PKHD1: variants seen among roughly 807,000 people sequenced by gnomAD.
PKHD1 encodes the protein PKHD1 ciliary IPT domain containing fibrocystin/polyductin.
PKHD1 carries 291 observed loss-of-function variants against 412.0 expected under a neutral mutation model. The ratio of observed to expected loss-of-function variants is 0.71; its 90% CI spans 0.64 to 0.78. The LOEUF (loss-of-function observed/expected upper bound fraction) is 0.78, where lower values mean the gene tolerates loss of function less well. Among genes scored for constraint, PKHD1 ranks in the 30% least tolerant of loss-of-function variants. The pLI is 0.00. For missense variants in PKHD1, 4,825 were observed against 4,950.7 expected (o/e 0.97, Z 0.76); for synonymous variants, 1,777 against 1,821.5 (o/e 0.98, Z 0.62).
intron 60 of PKHD1, among the ~76,000 whole-genome samples, chr6:51,738,675 G>A (rs1433809648): frequency 6.6e-6 from 1 of 152,102 alleles, no homozygotes; most frequent in Admixed American, 6.5e-5. Context: ...CTTTTACTCT[G>A]GCCAAGAAAG....
At chr6:51,652,011 A>G (rs560923481) in intron 61 of PKHD1, among the ~76,000 whole-genome samples, 2 of 152,294 alleles carry the variant, frequency 1.3e-5, no homozygotes, top group Non-Finnish European at 2.9e-5. Flanking sequence ...ATTGCAAGCA[A>G]CCTGGATTTG....
intron 60 of PKHD1, among the ~76,000 whole-genome samples, chr6:51,734,860 T>C (rs1783648673): frequency 6.6e-6 from 1 of 152,188 alleles, no homozygotes; most frequent in African/African-American, 2.4e-5. Flanking sequence ...CGATTTAAAG[T>C]GTACAGGAGA....
rs1562239237 is a variant in PKHD1, at chr6:51,754,834, A to G, written c.8747T>C (p.Val2916Ala). 6.2e-7 allele frequency: 1 copy of G among 1,613,582 alleles called. No homozygotes were observed. Among genetic ancestry groups the G allele is most frequent in the African/African-American group, 1.3e-5 (1 of 74,986 alleles). The stretch of plus-strand genomic sequence containing the variant: ...ATAGATCCTCACATGGTGGCCCTTG[A>G]CTTCTTTCACAGTGAGGACCTCTGC... ...HEAEVLTVKE[V>A]KGHHVRIYER... is the part of the protein sequence containing the mutation. The change falls in exon 56 of 67, where the codon GTC becomes GCC. Residue 2916 changes from valine (V) to alanine (A), a missense_variant. By Grantham distance (64) the Val-to-Ala change is moderately conservative. Coordinates refer to ENST00000371117, the MANE Select transcript of PKHD1 (RefSeq NM_138694.4).
At chr6:51,677,171 C>T (rs1397015270) in intron 60 of PKHD1, among the ~76,000 whole-genome samples, 1 of 152,070 alleles carries the variant, frequency 6.6e-6, no homozygotes, top group African/African-American at 2.4e-5. Flanking sequence ...ACTTAAAGTT[C>T]ATTAGATTGA....
intron 46 of PKHD1, among the ~76,000 whole-genome samples, chr6:51,880,927 C>T (rs1208830097): frequency 2.0e-5 from 3 of 149,002 alleles, no homozygotes; most frequent in African/African-American, 7.4e-5. Context: ...GATCGCGCCA[C>T]TGCACTCCAG....
At chr6:51,979,119 T>A (rs1249963462) in intron 35 of PKHD1, among the ~76,000 whole-genome samples, 1 of 152,202 alleles carries the variant, frequency 6.6e-6, no homozygotes, top group Non-Finnish European at 1.5e-5. Context: ...CATGACCTCA[T>A]AAATGCCTCT....
At chr6:52,021,984 G>A (rs1386024449) in intron 33 of PKHD1, among the ~76,000 whole-genome samples, 2 of 152,184 alleles carry the variant, frequency 1.3e-5, no homozygotes, top group Non-Finnish European at 1.5e-5. Context: ...TAAGTGCACA[G>A]GTACAAGATT....
At chr6:52,040,366 C>T (rs1804651622) in intron 27 of PKHD1, among the ~76,000 whole-genome samples, 1 of 152,140 alleles carries the variant, frequency 6.6e-6, no homozygotes, top group African/African-American at 2.4e-5. Flanking sequence ...CCAACATTAT[C>T]TCTCCCCTGG....
chr6:51,919,563 G>A (rs1784371055), intron 37 of PKHD1, among the ~76,000 whole-genome samples: 1 of 152,206 alleles, frequency 6.6e-6, no homozygotes, highest in Non-Finnish European at 1.5e-5. Context: ...CAGGTAGCAT[G>A]ATGCCTCCAG....
intron 14 of PKHD1, among the ~76,000 whole-genome samples, chr6:52,061,155 TACAATGG>T (rs1178348805): frequency 2.0e-5 from 3 of 152,196 alleles, no homozygotes; most frequent in Non-Finnish European, 4.4e-5. Context: ...TATTAGGTGC[TACAATGG>T]ACCACAAATT....
Position 52,072,144 on chromosome 6 carries a change from G to T in PKHD1, c.573C>A (p.Cys191Ter), listed in dbSNP as rs1397593913. ...TTCCCATCTGCCTATTTATAAGAGA[G>T]CAAGGAGTAACCCATTTGTCTCCTT... ...EAQGDKWVTPCSLINRQMGSC... is the reference protein window; with the variant it reads ...EAQGDKWVTP The change falls in exon 8 of 67, where the codon TGC (cysteine) becomes TGA (stop). Residue 191 changes from cysteine (C) to a stop codon, truncating the protein, a stop_gained. Transcript: ENST00000371117. LOFTEE classifies it high-confidence loss of function. 2 of 1,609,754 alleles carry T rather than the reference G, an allele frequency of 1.2e-6. No homozygotes were observed. Among genetic ancestry groups the T allele is most frequent in the South Asian group, 2.2e-5 (2 of 90,982 alleles).
chr6:51,848,593 C>T (rs1771628928), intron 49 of PKHD1, among the ~76,000 whole-genome samples: 1 of 152,164 alleles, frequency 6.6e-6, no homozygotes. Context: ...CCTCCAGAGG[C>T]ACACCCTACT....
chr6:52,007,405 CTTG>C (rs1799227216), intron 35 of PKHD1, among the ~76,000 whole-genome samples: 2 of 152,194 alleles, frequency 1.3e-5, no homozygotes, highest in Admixed American at 1.3e-4. Context: ...TGATTAAGCA[CTTG>C]TTGGTGCTGG....
At chr6:51,684,317 A>G (rs1196723765) in intron 60 of PKHD1, among the ~76,000 whole-genome samples, 1 of 152,086 alleles carries the variant, frequency 6.6e-6, no homozygotes, top group Non-Finnish European at 1.5e-5. Context: ...GAGTAAAACA[A>G]AGTTTTTCTA....
intron 60 of PKHD1, among the ~76,000 whole-genome samples, chr6:51,711,318 G>A (rs554364258): frequency 2.6e-5 from 4 of 152,140 alleles, no homozygotes; most frequent in African/African-American, 9.6e-5. Flanking sequence ...CTGTTCCCTG[G>A]AACCATCTCC....
chr6:51,740,015 T>C (rs1309632292), intron 60 of PKHD1: 1 of 518,982 alleles, frequency 1.9e-6, no homozygotes. Flanking sequence ...CAATGCTTTG[T>C]TCTTCTAAAT....
At chr6:51,809,097 G>A (rs1463748774) in intron 52 of PKHD1, among the ~76,000 whole-genome samples, 2 of 151,994 alleles carry the variant, frequency 1.3e-5, no homozygotes, top group African/African-American at 2.4e-5. Flanking sequence ...ACAAAATAAA[G>A]CAAATGGAAA....
intron 60 of PKHD1, among the ~76,000 whole-genome samples, chr6:51,703,293 T>C (rs1292883154): frequency 6.6e-6 from 1 of 152,010 alleles, no homozygotes; most frequent in Non-Finnish European, 1.5e-5. Context: ...TATATATTAA[T>C]AGCTTTATAG....
At chr6:51,657,120 T>TAA (rs34088582) in intron 61 of PKHD1, among the ~76,000 whole-genome samples, 1 of 145,408 alleles carries the variant, frequency 6.9e-6, no homozygotes, top group African/African-American at 2.5e-5. Context: ...ATAATAATAA[T>TAA]AAAAAAAAAA....
Sources: gnomAD v4.1 joint callset for allele counts (sites outside exome capture counted in the v4.1 genomes callset) on GRCh38, gnomAD v4.1.1 for gene constraint, MANE v1.5 for transcripts, NCBI Gene and HGNC (gene_info 2026-07-23, HGNC 2026-07-21) for gene names.